The following PLA2R1 variants were observed in gnomAD, a reference collection of about 807,000 sequenced individuals.
PLA2R1 encodes the protein phospholipase A2 receptor 1.
PLA2R1 carries 158 observed loss-of-function variants against 195.9 expected under a neutral mutation model. That is an observed-to-expected ratio of 0.81 (90% CI 0.71 to 0.92). The LOEUF (loss-of-function observed/expected upper bound fraction) is 0.92, where lower values mean the gene tolerates loss of function less well. PLA2R1 is among the 40% of genes least tolerant of loss of function. The pLI, the probability that PLA2R1 is intolerant of heterozygous loss-of-function variation, is 0.00. For synonymous variants in PLA2R1, 586 were observed against 598.2 expected, an observed-to-expected ratio of 0.98 and a Z score of 0.30; for missense variants, 1,626 against 1,764.6, an observed-to-expected ratio of 0.92 and a Z score of 1.41.
intron 20 of PLA2R1, among the ~76,000 whole-genome samples, chr2:159,964,805 C>T (rs1226610896): frequency 1.3e-5 from 2 of 151,926 alleles, no homozygotes; most frequent in Admixed American, 6.6e-5. Context: ...CCAAGGCGGG[C>T]GGATCACCTG....
At chr2:159,951,200 T>A in intron 24 of PLA2R1, 140 bp downstream of exon 24, 1 of 620,342 alleles carries the variant, frequency 1.6e-6, no homozygotes, top group African/African-American at 1.8e-5. Flanking sequence ...GGTAATTGCA[T>A]AAACCAATTA....
chr2:160,032,835 C>A, intron 4 of PLA2R1, 124 bp downstream of exon 4: 1 of 791,678 alleles, frequency 1.3e-6, no homozygotes, highest in East Asian at 2.9e-5. Flanking sequence ...AGTTTTGGGC[C>A]ATATTATGGA....
At position 159,947,549 on chromosome 2, in the gene PLA2R1, T is replaced by C. The variant is rs889025749; in HGVS notation, c.3720A>G (p.Gln1240=). Residue 1240 remains glutamine, a synonymous_variant, in exon 26 of 30, where the codon CAA becomes CAG. Coordinates refer to ENST00000283243, the MANE Select transcript of PLA2R1 (RefSeq NM_007366.5). ...AICHVPPETR[Q]SEHPELCSET... ...CTGAGCACAACTCTGGGTGTTCAGA[T>C]TGTCTTGTTTCTGTGAAGAAAAGCC... The C allele has an allele frequency of 1.9e-6, 3 of 1,612,888 alleles. No individual in the cohort carries two copies. Among genetic ancestry groups the C allele is most frequent in the African/African-American group, 1.3e-5 (1 of 74,880 alleles).
intron 1 of PLA2R1, among the ~76,000 whole-genome samples, chr2:160,048,594 T>G (rs1242044121): frequency 6.6e-6 from 1 of 152,198 alleles, no homozygotes; most frequent in Non-Finnish European, 1.5e-5. Context: ...AACTATAATG[T>G]GAAAATAAGC....
intron 11 of PLA2R1, among the ~76,000 whole-genome samples, chr2:159,997,598 C>A (rs1231330748): frequency 6.6e-6 from 1 of 151,992 alleles, no homozygotes; most frequent in Non-Finnish European, 1.5e-5. Context: ...TGTGGGGGTC[C>A]CTTATGACTG....
chr2:160,022,515 T>C (rs1284436410), intron 7 of PLA2R1, 150 bp downstream of exon 7: 1 of 426,164 alleles, frequency 2.3e-6, no homozygotes. Context: ...TCCAATAAAT[T>C]TGAACTCCTG....
chr2:159,927,240 C>T (rs532384718), downstream of PLA2R1, among the ~76,000 whole-genome samples: 8 of 152,264 alleles, frequency 5.3e-5, no homozygotes, highest in South Asian at 1.5e-3. Context: ...CTTCTAGTTC[C>T]CTTTTTCTAC....
Position 159,934,647 on chromosome 2 carries a change from T to G in PLA2R1, c.*7131A>C, listed in dbSNP as rs1686735492. 1 of 152,246 alleles carries G rather than the reference T, an allele frequency of 6.6e-6. No homozygotes were observed. The highest frequency in any genetic ancestry group is 2.1e-4 in the South Asian group (1 of 4,838). The allele number at this position is 152,246 out of a possible 1,614,324, so 9.4% of individuals were successfully genotyped here. ...TAAAAGTGCCTTATCACCCTTTTAA[T>G]ATATCCAGTGGTGTCTAATATCATA... On this transcript the variant is annotated 3_prime_UTR_variant, in exon 30 of 30. Transcript: ENST00000283243.
At chr2:159,982,680 T>C (rs368660887) in intron 13 of PLA2R1, among the ~76,000 whole-genome samples, 2 of 152,184 alleles carry the variant, frequency 1.3e-5, no homozygotes, top group Non-Finnish European at 2.9e-5. Flanking sequence ...GGAAGATGAA[T>C]AATCTGATAG....
At chr2:160,012,929 T>A (rs868769652) in intron 10 of PLA2R1, among the ~76,000 whole-genome samples, 10 of 151,792 alleles carry the variant, frequency 6.6e-5, no homozygotes, top group East Asian at 5.8e-4. Flanking sequence ...TGAAAAAAAA[T>A]AAAATAAAAA....
rs76552741 is a variant in PLA2R1 at position 159,969,135 on chromosome 2, C to T, written c.2764+121G>A. On this transcript the variant is annotated intron_variant, in intron 19 of 29. Transcript: ENST00000283243. ...GCCTTATGGCAGACAAAACTGAACA[C>T]GTCAACTGAAAAGAGAAATAAACAG... The T allele has an allele frequency of 3.2e-3, 1,889 of 597,476 alleles. 20 individuals carry two copies. The highest frequency in any genetic ancestry group is 0.027 in the African/African-American group (1,430 of 53,350). The allele number at this position is 597,476 out of a possible 1,614,324, so 37.0% of individuals were successfully genotyped here. A position where few individuals can be genotyped will look rare whatever the true frequency, so the allele number is the denominator to read the frequency against.
At chr2:159,988,512 G>A (rs970164760) in intron 11 of PLA2R1, among the ~76,000 whole-genome samples, 1 of 152,202 alleles carries the variant, frequency 6.6e-6, no homozygotes, top group South Asian at 2.1e-4. Context: ...ATCAGAAGGG[G>A]TGATGGAGCC....
intron 6 of PLA2R1, among the ~76,000 whole-genome samples, 188 bp downstream of exon 6, chr2:160,028,030 T>C (rs1395317243): frequency 1.3e-5 from 2 of 152,242 alleles, no homozygotes; most frequent in Non-Finnish European, 2.9e-5. Context: ...TAAACCTAAA[T>C]GCATTTGTTA....
At chr2:160,043,297 G>T (rs1030124194) in intron 2 of PLA2R1, among the ~76,000 whole-genome samples, 1 of 152,132 alleles carries the variant, frequency 6.6e-6, no homozygotes, top group Non-Finnish European at 1.5e-5. Flanking sequence ...AGAGGGTGAA[G>T]CGAGACAGCT....
intron 20 of PLA2R1, among the ~76,000 whole-genome samples, chr2:159,964,288 G>A (rs1688642605): frequency 6.6e-6 from 1 of 152,156 alleles, no homozygotes; most frequent in African/African-American, 2.4e-5. Context: ...GGGATAGTGA[G>A]AATGTTTTGG....
At chr2:159,971,503 C>CA (rs140019873) in intron 17 of PLA2R1, among the ~76,000 whole-genome samples, 34 of 74,500 alleles carry the variant, frequency 4.6e-4, no homozygotes, top group South Asian at 9.5e-4. Flanking sequence ...CACACACACA[C>CA]ATTAGGGCAG....
At chr2:159,981,583 C>T (rs1183425959) in intron 13 of PLA2R1, among the ~76,000 whole-genome samples, 2 of 151,796 alleles carry the variant, frequency 1.3e-5, no homozygotes, top group East Asian at 1.9e-4. Flanking sequence ...TTTTTTTGTA[C>T]TTTTTGGTAG....
At chr2:160,047,504 C>G (rs917901032) in intron 1 of PLA2R1, among the ~76,000 whole-genome samples, 3 of 152,202 alleles carry the variant, frequency 2.0e-5, no homozygotes, top group Non-Finnish European at 2.9e-5. Flanking sequence ...GTTTCTGCAG[C>G]ACACAGTGGG....
In PLA2R1 at chr2:160,020,186, C is replaced by A; in HGVS notation, c.1372G>T (p.Val458Phe). ...AGTGTGTGCCAATTAGTAAAGATGA[C>A]TGAAGAGTCATTAGACCATTCAAAG... ...VSFEWSNDSS[V>F]IFTNWHTLEP... is the part of the protein sequence containing the mutation. The change falls in exon 8 of 30, where the codon GTC becomes TTC. Residue 458 changes from valine to phenylalanine, a missense_variant. By Grantham distance (50) the Val-to-Phe change is conservative. Transcript: ENST00000283243. The A allele has an allele frequency of 6.2e-7, 1 of 1,612,066 alleles. No homozygotes were observed. The highest frequency in any genetic ancestry group is 8.5e-7 in the Non-Finnish European group (1 of 1,178,152).
Sources: gnomAD v4.1 joint callset for allele counts (sites outside exome capture counted in the v4.1 genomes callset) on GRCh38, gnomAD v4.1.1 for gene constraint, MANE v1.5 for transcripts, NCBI Gene and HGNC (gene_info 2026-07-23, HGNC 2026-07-21) for gene names.